The following NEK11 variants were observed in gnomAD, a reference collection of about 807,000 sequenced individuals.
NEK11 encodes the protein NIMA related kinase 11.
Under a neutral mutation model 80.7 loss-of-function variants are expected in NEK11, and 72 were observed. That is an observed-to-expected ratio of 0.89 (90% CI 0.74 to 1.08). The LOEUF (loss-of-function observed/expected upper bound fraction) is 1.08. NEK11 is among the 50% of genes least tolerant of loss of function. The pLI is 0.00. For synonymous variants in NEK11, 251 were observed against 260.7 expected, an observed-to-expected ratio of 0.96 and a Z score of 0.36; for missense variants, 764 against 763.6, an observed-to-expected ratio of 1.00 and a Z score of -0.01.
intron 17 of NEK11, among the ~76,000 whole-genome samples, chr3:131,286,304 G>A (rs1278912921): frequency 1.3e-5 from 2 of 152,152 alleles, no homozygotes; most frequent in Non-Finnish European, 2.9e-5. Context: ...TTCTTGGGCA[G>A]TATTTATGTT....
chr3:131,224,331 G>T (rs141556181), intron 14 of NEK11, among the ~76,000 whole-genome samples: 2 of 152,052 alleles, frequency 1.3e-5, no homozygotes, highest in East Asian at 3.9e-4. Context: ...AGGCTCAAGT[G>T]ATCCTCCCAC....
intron 17 of NEK11, among the ~76,000 whole-genome samples, chr3:131,291,918 C>T (rs2096547480): frequency 6.6e-6 from 1 of 152,158 alleles, no homozygotes; most frequent in Non-Finnish European, 1.5e-5. Context: ...TTGACGTTGT[C>T]TTTCACAGAG....
chr3:131,278,661 C>T (rs2096344788), intron 17 of NEK11, among the ~76,000 whole-genome samples: 2 of 152,120 alleles, frequency 1.3e-5, no homozygotes, highest in African/African-American at 4.8e-5. Context: ...GACGGCTCGT[C>T]AGCTTTCAGC....
At chr3:131,164,120 G>C (rs1052390142) in intron 11 of NEK11, among the ~76,000 whole-genome samples, 3 of 152,266 alleles carry the variant, frequency 2.0e-5, no homozygotes, top group African/African-American at 7.2e-5. Context: ...CTATTTTCCC[G>C]TAACATTTGC....
chr3:131,155,191 T>C (rs976395276), intron 10 of NEK11, 70 bp downstream of exon 10: 24 of 997,298 alleles, frequency 2.4e-5, no homozygotes, highest in Middle Eastern at 2.5e-4. Flanking sequence ...TTTAAAAATC[T>C]ATTAGCACTA....
At chr3:131,081,568 T>C (rs1312862094) in intron 4 of NEK11, among the ~76,000 whole-genome samples, 1 of 152,192 alleles carries the variant, frequency 6.6e-6, no homozygotes, top group Non-Finnish European at 1.5e-5. Context: ...TGACAGGGCT[T>C]GGGTCAGGTA....
intron 3 of NEK11, among the ~76,000 whole-genome samples, chr3:131,074,386 A>G (rs1577873779): frequency 6.6e-6 from 1 of 152,278 alleles, no homozygotes; most frequent in Admixed American, 6.5e-5. Context: ...ACAGTTTTAC[A>G]GTTTTATATG....
chr3:131,325,389 T>G (rs1338369079), intron 17 of NEK11: 1 of 152,066 alleles, frequency 6.6e-6, no homozygotes, highest in Non-Finnish European at 1.5e-5. Context: ...TAAAAGTATT[T>G]TTTTAATTCT....
At chr3:131,326,066 G>A (rs2096962259) in intron 17 of NEK11, 1 of 152,146 alleles carries the variant, frequency 6.6e-6, no homozygotes, top group Non-Finnish European at 1.5e-5. Flanking sequence ...GCACACATTT[G>A]TTTGTTTGTA....
intron 3 of NEK11, among the ~76,000 whole-genome samples, chr3:131,047,063 A>G (rs760366793): frequency 6.6e-6 from 1 of 152,138 alleles, no homozygotes; most frequent in Non-Finnish European, 1.5e-5. Context: ...TTTTTCTTCT[A>G]CTTGTCGATT....
intron 17 of NEK11, among the ~76,000 whole-genome samples, chr3:131,313,143 A>G (rs1223916770): frequency 6.6e-6 from 1 of 152,138 alleles, no homozygotes; most frequent in African/African-American, 2.4e-5. Flanking sequence ...ATATTGCTGC[A>G]AAGGACATGA....
chr3:131,130,986 G>A (rs1355664711), intron 5 of NEK11, among the ~76,000 whole-genome samples: 1 of 152,146 alleles, frequency 6.6e-6, no homozygotes, highest in South Asian at 2.1e-4. Flanking sequence ...ATTTTTAGTA[G>A]AGATGGAGTT....
chr3:131,200,392 A>G (rs1270771045), intron 14 of NEK11, among the ~76,000 whole-genome samples: 5 of 152,232 alleles, frequency 3.3e-5, no homozygotes, highest in Non-Finnish European at 5.9e-5. Context: ...TGGTGGGAGT[A>G]TAAATTGATG....
At chr3:131,110,893 TAAC>T (rs2080018813) in intron 5 of NEK11, among the ~76,000 whole-genome samples, 1 of 152,220 alleles carries the variant, frequency 6.6e-6, no homozygotes. Context: ...TGACACCTCA[TAAC>T]AATCTGTTGG....
At chr3:131,301,468 G>A (rs2096660693) in intron 17 of NEK11, among the ~76,000 whole-genome samples, 1 of 151,526 alleles carries the variant, frequency 6.6e-6, no homozygotes, top group African/African-American at 2.4e-5. Context: ...CAAGGGGAAT[G>A]CTACAGCTTT....
chr3:131,323,012 C>A lies in NEK11; in HGVS notation c.1719-26545C>A, dbSNP rs567760547. On this transcript the variant is annotated intron_variant, in intron 17 of 17. Coordinates refer to ENST00000383366, the MANE Select transcript of NEK11 (RefSeq NM_024800.5). Reference sequence around the variant, plus strand: ...GCATCACATCTTATGTCTGAAAGCCCATGCCTGAGATCCTACTCACTGAGT... The same window carrying A: ...GCATCACATCTTATGTCTGAAAGCCAATGCCTGAGATCCTACTCACTGAGT... 8.5e-4 allele frequency among the ~76,000 whole-genome samples: 130 copies of A among 152,284 alleles called. 1 individual carries two copies. The highest frequency in any genetic ancestry group is 3.4e-3 in the Middle Eastern group (1 of 294).
chr3:131,246,099 C>G (rs2095598456), intron 16 of NEK11, among the ~76,000 whole-genome samples: 1 of 151,910 alleles, frequency 6.6e-6, no homozygotes, highest in Non-Finnish European at 1.5e-5. Flanking sequence ...TTTCTTTAAA[C>G]AAAAAAATTT....
At chr3:131,115,326 C>T (rs1174417488) in intron 5 of NEK11, among the ~76,000 whole-genome samples, 1 of 152,156 alleles carries the variant, frequency 6.6e-6, no homozygotes, top group Non-Finnish European at 1.5e-5. Context: ...AGCTTGTAGA[C>T]AGCAGATTGT....
intron 3 of NEK11, among the ~76,000 whole-genome samples, chr3:131,059,978 C>A (rs975196003): frequency 2.6e-5 from 4 of 152,174 alleles, no homozygotes; most frequent in African/African-American, 7.2e-5. Flanking sequence ...AATGCATAGT[C>A]CCTTGTTAAA....
Sources: gnomAD v4.1 joint callset for allele counts (sites outside exome capture counted in the v4.1 genomes callset) on GRCh38, gnomAD v4.1.1 for gene constraint, MANE v1.5 for transcripts, NCBI Gene and HGNC (gene_info 2026-07-23, HGNC 2026-07-21) for gene names.